The following GRM5 variants were observed in gnomAD, a reference collection of about 807,000 sequenced individuals.
The protein encoded by GRM5 is metabotropic glutamate receptor 5.
GRM5 carries 19 observed loss-of-function variants against 83.1 expected under a neutral mutation model. The ratio of observed to expected loss-of-function variants is 0.23; its 90% CI spans 0.16 to 0.34. GRM5 has a LOEUF of 0.34. GRM5 is among the 10% of genes least tolerant of loss of function. GRM5 has a pLI of 1.00. For synonymous variants in GRM5, 675 were observed against 633.6 expected, an observed-to-expected ratio of 1.07 and a Z score of -0.98; for missense variants, 1,160 against 1,588.3, an observed-to-expected ratio of 0.73 and a Z score of 4.58.
intron 3 of GRM5, among the ~76,000 whole-genome samples, chr11:88,775,889 T>C (rs1040360831): frequency 5.0e-5 from 6 of 119,762 alleles, no homozygotes; most frequent in Non-Finnish European, 1.1e-4. Flanking sequence ...ATAAGTGCAA[T>C]GTGTTGCTGA....
intron 2 of GRM5, among the ~76,000 whole-genome samples, chr11:89,046,703 T>C (rs2135150084): frequency 6.6e-6 from 1 of 152,346 alleles, no homozygotes; most frequent in South Asian, 2.1e-4. Context: ...CCATGAATTC[T>C]TCTGAAAAAA....
chr11:88,678,344 C>A (rs749023293), intron 3 of GRM5, among the ~76,000 whole-genome samples: 16 of 152,086 alleles, frequency 1.1e-4, no homozygotes, highest in Non-Finnish European at 1.9e-4. Context: ...TGGATGTGAG[C>A]CATGGTCCCC....
intron 2 of GRM5, among the ~76,000 whole-genome samples, chr11:88,981,164 T>A (rs660472): frequency 6.6e-6 from 1 of 152,228 alleles, no homozygotes; most frequent in Non-Finnish European, 1.5e-5. Context: ...TTCTTTCATT[T>A]GGCTTCATCA....
At chr11:88,720,796 C>CTGTGTGTGTGTGTGTGTGTGTGCGTG (rs1941514813) in intron 3 of GRM5, among the ~76,000 whole-genome samples, 6 of 141,776 alleles carry the variant, frequency 4.2e-5, no homozygotes, top group African/African-American at 1.3e-4. Flanking sequence ...AATCATTACT[C>CTGTGTGTGTGTGTGTGTGTGTGCGTG]TGTGTGTGTG....
intron 2 of GRM5, among the ~76,000 whole-genome samples, chr11:88,912,365 T>C (rs1945514899): frequency 1.3e-5 from 2 of 151,604 alleles, no homozygotes; most frequent in Admixed American, 1.3e-4. Context: ...TTCATGGAAA[T>C]AACATTAGAC....
intron 2 of GRM5, among the ~76,000 whole-genome samples, chr11:89,003,561 A>G (rs189495146): frequency 5.7e-4 from 87 of 152,344 alleles, no homozygotes; most frequent in Middle Eastern, 3.4e-3. Flanking sequence ...AAGAATAACA[A>G]TGAACCAAGT....
At chr11:88,735,586 C>A (rs1941895498) in intron 3 of GRM5, among the ~76,000 whole-genome samples, 1 of 152,076 alleles carries the variant, frequency 6.6e-6, no homozygotes, top group African/African-American at 2.4e-5. Context: ...TGAAATGGGT[C>A]TGCTGCCTTC....
chr11:89,022,870 G>A (rs1320605857), intron 2 of GRM5, among the ~76,000 whole-genome samples: 1 of 152,168 alleles, frequency 6.6e-6, no homozygotes, highest in Non-Finnish European at 1.5e-5. Flanking sequence ...CAGGAAATGG[G>A]TTTTGAACTA....
At chr11:89,065,008 C>A (rs1942071645) in intron 1 of GRM5, among the ~76,000 whole-genome samples, 1 of 149,008 alleles carries the variant, frequency 6.7e-6, no homozygotes, top group Non-Finnish European at 1.5e-5. Flanking sequence ...CTTCCAAGCT[C>A]CACTGGGAGT....
rs373754872 is a variant in GRM5 at position 88,885,032 on chromosome 11, C to T, written c.662-34877G>A. 1.9e-4 allele frequency among the ~76,000 whole-genome samples: 29 copies of T among 152,168 alleles called. No homozygotes were observed. In the East Asian group the frequency reaches 4.8e-3, roughly 25 times the overall value. ...CCACATTACTGCCTTAACTGAATTA[C>T]TCATTCCTAAGATCTGAAAAGAAGC... is the stretch of plus-strand genomic sequence containing the variant. On this transcript the variant is annotated intron_variant, in intron 2 of 9. Coordinates refer to ENST00000305447, the MANE Select transcript of GRM5 (RefSeq NM_001143831.3).
chr11:88,798,820 A>AAAAAAAAAAAAAAAAC (rs1555017418), intron 3 of GRM5, among the ~76,000 whole-genome samples: 17 of 136,304 alleles, frequency 1.2e-4, no homozygotes, highest in South Asian at 2.4e-4. Context: ...AAAAAAAAAA[A>AAAAAAAAAAAAAAAAC]AAAAAAACAA....
intron 2 of GRM5, among the ~76,000 whole-genome samples, chr11:88,948,970 A>G (rs1938370248): frequency 6.6e-6 from 1 of 152,224 alleles, no homozygotes; most frequent in Admixed American, 6.5e-5. Flanking sequence ...TCCTAATTTT[A>G]CATCTGGAAA....
chr11:88,628,473 A>G (rs1188649852), intron 4 of GRM5, among the ~76,000 whole-genome samples: 1 of 152,238 alleles, frequency 6.6e-6, no homozygotes, highest in Non-Finnish European at 1.5e-5. Flanking sequence ...GTTATATTTA[A>G]TATCTGCTCT....
At chr11:88,848,288 T>C (rs1051382761) in intron 3 of GRM5, among the ~76,000 whole-genome samples, 1 of 152,214 alleles carries the variant, frequency 6.6e-6, no homozygotes, top group Non-Finnish European at 1.5e-5. Context: ...TTGAAGGATG[T>C]GTGGCCTCAT....
intron 4 of GRM5, among the ~76,000 whole-genome samples, chr11:88,615,674 G>A (rs1459902694): frequency 6.7e-6 from 1 of 149,426 alleles, no homozygotes; most frequent in Non-Finnish European, 1.5e-5. Flanking sequence ...AAAAATCAAA[G>A]TTACTGTGAA....
chr11:88,917,570 C>T (rs1454712838), intron 2 of GRM5, among the ~76,000 whole-genome samples: 4 of 152,106 alleles, frequency 2.6e-5, no homozygotes, highest in South Asian at 2.1e-4. Context: ...TTTGAAGAAA[C>T]GCAATGAAAT....
At chr11:88,693,726 T>A (rs1940837384) in intron 3 of GRM5, among the ~76,000 whole-genome samples, 2 of 152,176 alleles carry the variant, frequency 1.3e-5, no homozygotes, top group South Asian at 4.1e-4. Context: ...AAGGTAAAGA[T>A]GAGCTGAGCC....
intron 2 of GRM5, among the ~76,000 whole-genome samples, chr11:88,994,103 A>C (rs2135054726): frequency 6.6e-6 from 1 of 152,216 alleles, no homozygotes; most frequent in Middle Eastern, 3.4e-3. Flanking sequence ...CAAAAAAAAT[A>C]AGAATATAAT....
At chr11:88,815,515 G>A (rs1356290285) in intron 3 of GRM5, among the ~76,000 whole-genome samples, 1 of 152,156 alleles carries the variant, frequency 6.6e-6, no homozygotes, top group East Asian at 1.9e-4. Flanking sequence ...AGTTTATAAA[G>A]CAAAAAGCTT....
Sources: gnomAD v4.1 joint callset for allele counts (sites outside exome capture counted in the v4.1 genomes callset) on GRCh38, gnomAD v4.1.1 for gene constraint, MANE v1.5 for transcripts, NCBI Gene and HGNC (gene_info 2026-07-23, HGNC 2026-07-21) for gene names.